GRID1: variants seen among roughly 807,000 people sequenced by gnomAD.
GRID1 encodes the protein glutamate ionotropic receptor delta type subunit 1.
Under a neutral mutation model 98.0 loss-of-function variants are expected in GRID1, and 28 were observed. The observed-to-expected ratio is 0.29, with a 90% CI of 0.21 to 0.39. The LOEUF (loss-of-function observed/expected upper bound fraction) is 0.39, where lower values mean the gene tolerates loss of function less well. Among genes scored for constraint, GRID1 ranks in the 10% least tolerant of loss-of-function variants. The probability of loss-of-function intolerance (pLI) is 1.00; values close to 1 mark genes in which losing one functional copy is unlikely to be tolerated. For missense variants in GRID1, 1,111 were observed against 1,340.5 expected (o/e 0.83, Z 2.67); for synonymous variants, 553 against 538.5 (o/e 1.03, Z -0.37).
intron 4 of GRID1, among the ~76,000 whole-genome samples, chr10:86,100,681 A>G (rs1024240542): frequency 6.6e-6 from 1 of 152,214 alleles, no homozygotes; most frequent in Non-Finnish European, 1.5e-5. Flanking sequence ...TAGGTGGCGT[A>G]TACTGCACAG....
At chr10:85,713,354 G>A (rs945721320) in intron 12 of GRID1, among the ~76,000 whole-genome samples, 2 of 151,908 alleles carry the variant, frequency 1.3e-5, no homozygotes, top group Admixed American at 6.6e-5. Flanking sequence ...ACTGATTGCT[G>A]AAGAAATAGA....
intron 4 of GRID1, among the ~76,000 whole-genome samples, chr10:85,936,855 G>A (rs1018626101): frequency 3.3e-5 from 5 of 152,208 alleles, no homozygotes; most frequent in Non-Finnish European, 5.9e-5. Flanking sequence ...CTTGCACTAA[G>A]TTAAAAGAGC....
chr10:86,315,647 A>C (rs1173950576), intron 2 of GRID1, among the ~76,000 whole-genome samples: 2 of 149,040 alleles, frequency 1.3e-5, no homozygotes, highest in African/African-American at 4.9e-5. Flanking sequence ...CCATCCATGC[A>C]CTCACCCTCC....
chr10:86,284,147 C>G (rs1159485239), intron 2 of GRID1, among the ~76,000 whole-genome samples: 1 of 151,694 alleles, frequency 6.6e-6, no homozygotes, highest in African/African-American at 2.4e-5. Flanking sequence ...CACACACCTG[C>G]ATACACACAT....
intron 8 of GRID1, among the ~76,000 whole-genome samples, chr10:85,807,745 A>T (rs1842635710): frequency 6.6e-6 from 1 of 152,186 alleles, no homozygotes; most frequent in South Asian, 2.1e-4. Context: ...GAAGAAGATG[A>T]GGATCAGTGG....
intron 8 of GRID1, among the ~76,000 whole-genome samples, chr10:85,805,989 T>G (rs1457835233): frequency 6.7e-6 from 1 of 150,182 alleles, no homozygotes; most frequent in Non-Finnish European, 1.5e-5. Context: ...ATAACTATCA[T>G]GCTTTAAAAA....
At chr10:85,989,540 C>G (rs1439669407) in intron 4 of GRID1, among the ~76,000 whole-genome samples, 1 of 152,186 alleles carries the variant, frequency 6.6e-6, no homozygotes, top group Non-Finnish European at 1.5e-5. Flanking sequence ...CAATCAGCAT[C>G]GGCATTTGAT....
chr10:86,047,501 G>A (rs1341319353), intron 4 of GRID1, among the ~76,000 whole-genome samples: 1 of 152,226 alleles, frequency 6.6e-6, no homozygotes, highest in Non-Finnish European at 1.5e-5. Flanking sequence ...CAATTTCATG[G>A]TTAATTAGTA....
At chr10:85,857,724 C>T (rs558413110) in intron 6 of GRID1, among the ~76,000 whole-genome samples, 2 of 152,216 alleles carry the variant, frequency 1.3e-5, no homozygotes, top group East Asian at 3.9e-4. Flanking sequence ...ACAAAATCAC[C>T]AGATAAAAAT....
chr10:85,967,054 T>G (rs1842346295), intron 4 of GRID1, among the ~76,000 whole-genome samples: 1 of 152,156 alleles, frequency 6.6e-6, no homozygotes, highest in South Asian at 2.1e-4. Flanking sequence ...GATCTGATGG[T>G]TTTATAAATG....
intron 12 of GRID1, among the ~76,000 whole-genome samples, chr10:85,686,452 C>G (rs900451066): frequency 5.3e-5 from 8 of 152,024 alleles, no homozygotes; most frequent in African/African-American, 1.9e-4. Context: ...AATCCAAATG[C>G]CAGTGGTGAA....
At chr10:86,246,402 G>T (rs1846726858) in intron 2 of GRID1, among the ~76,000 whole-genome samples, 1 of 152,166 alleles carries the variant, frequency 6.6e-6, no homozygotes, top group South Asian at 2.1e-4. Context: ...TCTGAGAGGA[G>T]CCCAGCCCTG....
intron 2 of GRID1, among the ~76,000 whole-genome samples, chr10:86,359,798 C>T (rs915844196): frequency 6.6e-6 from 1 of 152,190 alleles, no homozygotes; most frequent in South Asian, 2.1e-4. Context: ...AAGCACTTTA[C>T]AACAATCTGA....
At chr10:86,364,212 A>G in intron 1 of GRID1, 116 bp from the exon 2 acceptor site, 3 of 805,682 alleles carry the variant, frequency 3.7e-6, no homozygotes, top group Non-Finnish European at 6.0e-6. Flanking sequence ...GGAAGTCTGA[A>G]CTGGGATTTC....
intron 3 of GRID1, among the ~76,000 whole-genome samples, chr10:86,164,570 C>T (rs963681343): frequency 3.3e-5 from 5 of 152,156 alleles, no homozygotes; most frequent in South Asian, 2.1e-4. Flanking sequence ...TCCATAATTG[C>T]GCAATCAAAT....
chr10:86,017,941 A>T (rs1230080326), intron 4 of GRID1, among the ~76,000 whole-genome samples: 1 of 152,122 alleles, frequency 6.6e-6, no homozygotes, highest in Non-Finnish European at 1.5e-5. Context: ...AGCCCAACAG[A>T]CCATGCCCAG....
intron 12 of GRID1, among the ~76,000 whole-genome samples, chr10:85,712,248 T>C (rs933992488): frequency 6.6e-6 from 1 of 151,746 alleles, no homozygotes; most frequent in Non-Finnish European, 1.5e-5. Context: ...GATCCAACTA[T>C]ATGCTCTGTA....
chr10:86,273,343 T>C (rs1847214621), intron 2 of GRID1, among the ~76,000 whole-genome samples: 1 of 125,156 alleles, frequency 8.0e-6, no homozygotes, highest in African/African-American at 2.7e-5. Context: ...TCCAAGTCTT[T>C]GCTATTGTGA....
rs183967493 is a variant in GRID1, at chr10:86,037,908, G to A, written c.726+100911C>T. On this transcript the variant is annotated intron_variant, in intron 4 of 15. Coordinates refer to ENST00000327946, the MANE Select transcript of GRID1 (RefSeq NM_017551.3). Reference sequence around the variant, plus strand: ...TCATACGTTAAAGGCCTAATCCTCAGTACTTTGGAATGAAACTGTATATGG... The same window carrying A: ...TCATACGTTAAAGGCCTAATCCTCAATACTTTGGAATGAAACTGTATATGG... Among the ~76,000 whole-genome samples the A allele has an allele frequency of 5.6e-4, 86 of 152,224 alleles. 1 individual carries two copies. Among genetic ancestry groups the A allele is most frequent in the African/African-American group, 1.9e-3 (81 of 41,550 alleles).
Sources: allele counts gnomAD v4.1 joint callset (sites outside exome capture counted in the v4.1 genomes callset), GRCh38; gene constraint gnomAD v4.1.1; transcripts MANE v1.5; gene names NCBI Gene and HGNC (gene_info 2026-07-23, HGNC 2026-07-21).